The following TTC28 variants were observed in gnomAD, a reference collection of about 807,000 sequenced individuals.
TTC28 encodes the protein tetratricopeptide repeat domain 28, also known as tetratricopeptide repeat protein 28.
Under a neutral mutation model 198.0 loss-of-function variants are expected in TTC28, and 61 were observed. That is an observed-to-expected ratio of 0.31 (90% CI 0.25 to 0.38). The LOEUF is 0.38. TTC28 is among the 10% of genes least tolerant of loss of function. TTC28 has a pLI of 1.00. For missense variants in TTC28, 2,678 were observed against 3,164.0 expected (o/e 0.85, Z 3.69); for synonymous variants, 1,171 against 1,297.8 (o/e 0.90, Z 2.10).
rs1385363150 is a variant in TTC28, at chr22:27,982,552, G to A, written c.7115C>T (p.Thr2372Ile). 3 of 1,551,788 alleles carry A rather than the reference G, an allele frequency of 1.9e-6. No individual in the cohort carries two copies. Among genetic ancestry groups the A allele is most frequent in the Admixed American group, 2.0e-5 (1 of 51,010 alleles). The change falls in exon 23 of 23, where the codon ACA (threonine) becomes ATA (isoleucine). Residue 2372 changes from threonine (T) to isoleucine (I), a missense_variant. Around this residue, in one of 8 missense-constraint regions of TTC28, gnomAD observed 622 missense variants for 656.0 expected, o/e 0.95. Transcript: ENST00000397906. The surrounding 1 kb of genome is among the most constrained non-coding windows in gnomAD (Gnocchi z 5.2). ...MFWQSTPQHS[T>I]GPMKIFRGAP... ...CCCCCGGAAGATCTTCATTGGCCCT[G>A]TGGAATGCTGGGGTGTGCTCTGCCA... is the stretch of plus-strand genomic sequence containing the variant.
At chr22:28,106,577 T>C (rs1320700111) in intron 7 of TTC28, among the ~76,000 whole-genome samples, 3 of 152,182 alleles carry the variant, frequency 2.0e-5, no homozygotes, top group Non-Finnish European at 2.9e-5. Context: ...TGCAACATAG[T>C]ACATTTATGC....
intron 5 of TTC28, among the ~76,000 whole-genome samples, chr22:28,200,343 C>T (rs1925815352): frequency 6.6e-6 from 1 of 152,128 alleles, no homozygotes; most frequent in Non-Finnish European, 1.5e-5. Context: ...AATGACATGT[C>T]ATTTTTGTTT....
chr22:28,475,859 A>C (rs966114775), intron 2 of TTC28, among the ~76,000 whole-genome samples: 1 of 152,206 alleles, frequency 6.6e-6, no homozygotes, highest in Non-Finnish European at 1.5e-5. Context: ...TGCCAAGCCC[A>C]TCCACTCTCG....
intron 5 of TTC28, among the ~76,000 whole-genome samples, chr22:28,193,223 G>A (rs1039229837): frequency 1.3e-5 from 2 of 152,186 alleles, no homozygotes; most frequent in African/African-American, 4.8e-5. Context: ...ATCCTTTACA[G>A]ACAAGCGAAT....
intron 5 of TTC28, among the ~76,000 whole-genome samples, chr22:28,268,413 A>G (rs1483710614): frequency 1.3e-5 from 2 of 152,200 alleles, no homozygotes; most frequent in African/African-American, 4.8e-5. Context: ...TTAGGTAAAA[A>G]TCTTTTCATC....
At chr22:28,399,540 A>T (rs2046872092) in intron 2 of TTC28, among the ~76,000 whole-genome samples, 1 of 151,950 alleles carries the variant, frequency 6.6e-6, no homozygotes, top group South Asian at 2.1e-4. Flanking sequence ...TCCTGGGCTC[A>T]AGTAGTACTT....
intron 5 of TTC28, among the ~76,000 whole-genome samples, chr22:28,283,881 T>A (rs2044631419): frequency 6.6e-6 from 1 of 152,156 alleles, no homozygotes; most frequent in African/African-American, 2.4e-5. Flanking sequence ...AATTTTAGAT[T>A]TTAGTTACTA....
intron 6 of TTC28, among the ~76,000 whole-genome samples, chr22:28,118,958 C>G (rs1351934023): frequency 6.6e-6 from 1 of 152,162 alleles, no homozygotes. Flanking sequence ...AATTTTATAT[C>G]TGTTGCATGC....
intron 5 of TTC28, among the ~76,000 whole-genome samples, chr22:28,167,362 T>C (rs1569174882): frequency 6.6e-6 from 1 of 152,040 alleles, no homozygotes; most frequent in South Asian, 2.1e-4. Flanking sequence ...CTGGCAGAGA[T>C]ACAACAAAAA....
intron 2 of TTC28, among the ~76,000 whole-genome samples, chr22:28,458,082 A>G (rs1291568341): frequency 2.0e-5 from 3 of 151,896 alleles, no homozygotes; most frequent in Admixed American, 2.0e-4. Flanking sequence ...TGGAACTCTT[A>G]TTTTTTCTAA....
chr22:28,413,903 G>C (rs2047127819), intron 2 of TTC28, among the ~76,000 whole-genome samples: 1 of 152,146 alleles, frequency 6.6e-6, no homozygotes, highest in Admixed American at 6.5e-5. Flanking sequence ...AAACCCAAAA[G>C]AGAGGTGGAA....
chr22:28,295,996 A>G (rs1271564485), intron 5 of TTC28, among the ~76,000 whole-genome samples: 1 of 152,162 alleles, frequency 6.6e-6, no homozygotes, highest in East Asian at 1.9e-4. Context: ...AGTCTTCTCT[A>G]TTTCTATATA....
chr22:28,034,442 C>A (rs1939250325), intron 12 of TTC28, among the ~76,000 whole-genome samples: 2 of 152,218 alleles, frequency 1.3e-5, no homozygotes, highest in African/African-American at 4.8e-5. Context: ...GACTTGGCCA[C>A]ACGATCGATT....
chr22:28,214,542 C>G (rs1927217194), intron 5 of TTC28, among the ~76,000 whole-genome samples: 1 of 152,194 alleles, frequency 6.6e-6, no homozygotes, highest in Non-Finnish European at 1.5e-5. Context: ...TGCTCATCAT[C>G]AATGGCCATC....
At chr22:28,167,073 A>G (rs1256179536) in intron 5 of TTC28, among the ~76,000 whole-genome samples, 1 of 152,266 alleles carries the variant, frequency 6.6e-6, no homozygotes, top group Non-Finnish European at 1.5e-5. Flanking sequence ...AAAATCTAGA[A>G]GAAATGGATA....
chr22:28,404,482 C>G (rs1379956949), intron 2 of TTC28, among the ~76,000 whole-genome samples: 6 of 152,010 alleles, frequency 3.9e-5, no homozygotes, highest in Admixed American at 3.3e-4. Flanking sequence ...ATGTGGACCA[C>G]TGTTCTACAC....
At chr22:28,552,371 GAA>G in intron 2 of TTC28, among the ~76,000 whole-genome samples, 1 of 151,682 alleles carries the variant, frequency 6.6e-6, no homozygotes, top group South Asian at 2.1e-4. Flanking sequence ...CACGGAACGA[GAA>G]AAAAAATCCC....
chr22:27,999,305 G>C, intron 15 of TTC28, 45 bp from the exon 16 acceptor site: 10 of 1,504,048 alleles, frequency 6.6e-6, no homozygotes, highest in Non-Finnish European at 8.9e-6. Context: ...AGACAGAACA[G>C]CCAGGCTGCC....
At chr22:28,627,435 CTTT>C (rs113850616) in intron 2 of TTC28, among the ~76,000 whole-genome samples, 12 of 138,324 alleles carry the variant, frequency 8.7e-5, no homozygotes, top group Non-Finnish European at 1.3e-4. Context: ...TTTTCTTTTT[CTTT>C]TTTTTTTTTT....
Sources: allele counts gnomAD v4.1 joint callset (sites outside exome capture counted in the v4.1 genomes callset), GRCh38; gene constraint gnomAD v4.1.1; regional missense constraint gnomAD v4.1.1; non-coding constraint Gnocchi (gnomAD v3.1); transcripts MANE v1.5; gene names NCBI Gene and HGNC (gene_info 2026-07-23, HGNC 2026-07-21).